Variants in PPA2 observed in about 807,000 individuals in gnomAD.
The protein encoded by PPA2 is inorganic pyrophosphatase 2, mitochondrial.
Under a neutral mutation model 49.5 loss-of-function variants are expected in PPA2, and 48 were observed. That is an observed-to-expected ratio of 0.97 (90% confidence interval 0.77 to 1.23). PPA2 has a LOEUF of 1.23. Among genes scored for constraint, PPA2 ranks in the 50% most tolerant of loss-of-function variants. The pLI, the probability that PPA2 is intolerant of heterozygous loss-of-function variation, is 0.00. For missense variants in PPA2, 429 were observed against 410.1 expected, an observed-to-expected ratio of 1.05 and a Z score of -0.40; for synonymous variants, 131 against 139.9, an observed-to-expected ratio of 0.94 and a Z score of 0.45.
intron 7 of PPA2, among the ~76,000 whole-genome samples, chr4:105,414,466 G>T (rs2110256047): frequency 6.6e-6 from 1 of 152,350 alleles, no homozygotes. Flanking sequence ...GGGCAAGCCA[G>T]GTATGGAGTG....
intron 3 of PPA2, 123 bp from the exon 4 acceptor site, chr4:105,449,526 C>G (rs1722578393): frequency 1.8e-6 from 1 of 563,146 alleles, no homozygotes; most frequent in Non-Finnish European, 3.1e-6. Flanking sequence ...GAGTCTCCAT[C>G]ATACATCTAC....
chr4:105,370,835 A>G lies in PPA2; in HGVS notation c.976+2T>C. ...CTCTTAATGAATCAAAATATACTAT[A>G]CCTTCTTCATTACTTTCTTTATTTG... On this transcript the variant is annotated splice_donor_variant, in intron 11 of 11. Transcript: ENST00000341695. LOFTEE classifies it high-confidence loss of function. 1 of 1,464,926 alleles carries G rather than the reference A, an allele frequency of 6.8e-7. No homozygotes were observed. Among genetic ancestry groups the G allele is most frequent in the South Asian group, 1.3e-5 (1 of 76,886 alleles). 90.7% of individuals were successfully genotyped at this position (1,464,926 alleles called of 1,614,324 possible). A position where few individuals can be genotyped will look rare whatever the true frequency, so the allele number is the denominator to read the frequency against.
At chr4:105,409,329 C>T (rs1260369255) in intron 7 of PPA2, among the ~76,000 whole-genome samples, 3 of 152,224 alleles carry the variant, frequency 2.0e-5, no homozygotes, top group African/African-American at 4.8e-5. Context: ...GCCTGTGAGA[C>T]GGCAGCCTGG....
chr4:105,419,263 C>T (rs1723146167), intron 7 of PPA2, among the ~76,000 whole-genome samples: 2 of 152,138 alleles, frequency 1.3e-5, no homozygotes. Flanking sequence ...CCCATTAACT[C>T]GTCATTTAAC....
chr4:105,449,128 A>G (rs910594872), intron 4 of PPA2, among the ~76,000 whole-genome samples: 2 of 129,152 alleles, frequency 1.5e-5, no homozygotes, highest in African/African-American at 3.5e-5. Flanking sequence ...GAGGCAGGAG[A>G]ATGGCGTGAA....
chr4:105,388,482 G>A (rs757562803), intron 9 of PPA2, among the ~76,000 whole-genome samples: 1 of 152,200 alleles, frequency 6.6e-6, no homozygotes, highest in Non-Finnish European at 1.5e-5. Context: ...GTAACCAGTA[G>A]TGGATATCTT....
chr4:105,383,799 CT>C (rs779912676), intron 10 of PPA2, among the ~76,000 whole-genome samples: 2 of 151,840 alleles, frequency 1.3e-5, no homozygotes, highest in Non-Finnish European at 2.9e-5. Flanking sequence ...AATTTTGGGT[CT>C]TCTAATTTGT....
In PPA2 at chr4:105,464,566, CTGT is replaced by C. The variant is rs1342682487; in HGVS notation, c.158-7824_158-7822del. ...CCAGGGGCAGAATGATATGGTTTGGCTGTGTCCCCACCCAAATCTCATCTTGAA... is the reference window on the plus strand; with the variant it reads ...CCAGGGGCAGAATGATATGGTTTGGCGTCCCCACCCAAATCTCATCTTGAA... On this transcript the variant is annotated intron_variant, in intron 1 of 11. Coordinates refer to ENST00000341695, the MANE Select transcript of PPA2 (RefSeq NM_176869.3). Among the ~76,000 whole-genome samples, 6 of 152,284 alleles carry C rather than the reference CTGT, an allele frequency of 3.9e-5. No homozygotes were observed. In the East Asian group the frequency reaches 1.2e-3, roughly 29 times the overall value.
chr4:105,370,951 C>A, intron 10 of PPA2, 78 bp from the exon 11 acceptor site: 1 of 1,331,368 alleles, frequency 7.5e-7, no homozygotes, highest in Non-Finnish European at 9.9e-7. Context: ...AGTTTTTTCA[C>A]GAAATTATAG....
At chr4:105,404,975 C>A (rs949739545) in intron 7 of PPA2, 3 of 156,234 alleles carry the variant, frequency 1.9e-5, no homozygotes, top group African/African-American at 7.2e-5. Context: ...CTCAGCTACT[C>A]GGGAGGCTGA....
chr4:105,464,429 G>C (rs770106745), intron 1 of PPA2, among the ~76,000 whole-genome samples: 1 of 152,200 alleles, frequency 6.6e-6, no homozygotes, highest in Admixed American at 6.5e-5. Context: ...TGTCTCAGAT[G>C]AGACTGTGGA....
At chr4:105,450,040 CT>C (rs1006225892) in intron 3 of PPA2, among the ~76,000 whole-genome samples, 21 of 147,286 alleles carry the variant, frequency 1.4e-4, no homozygotes, top group Non-Finnish European at 1.5e-4. Flanking sequence ...TATGGCTTCA[CT>C]TTTTTTTTTT....
At chr4:105,455,498 C>A (rs540848437) in intron 2 of PPA2, among the ~76,000 whole-genome samples, 235 of 152,202 alleles carry the variant, frequency 1.5e-3, no homozygotes, top group Non-Finnish European at 2.2e-3. Context: ...CCAAAACACA[C>A]GAGATTTGTG....
At chr4:105,443,541 T>C (rs1724462685) in intron 5 of PPA2, among the ~76,000 whole-genome samples, 1 of 151,726 alleles carries the variant, frequency 6.6e-6, no homozygotes. Context: ...TCATTCAATT[T>C]AGTTATTTTC....
In PPA2 at chr4:105,369,572, T is replaced by C. The variant is rs1732939606; in HGVS notation, c.*153A>G. ...ATGTCCAAAGGAGAGTAATTTAAAA[T>C]TCTTACTGTTTATTTATATATTGCA... On this transcript the variant is annotated 3_prime_UTR_variant, in exon 12 of 12. Transcript: ENST00000341695. The C allele has an allele frequency of 9.2e-6, 6 of 653,380 alleles. 1 individual carries two copies. The South Asian group carries it at 1.1e-4, about 12-fold the overall frequency. 40.5% of individuals were successfully genotyped at this position (653,380 alleles called of 1,614,324 possible).
Position 105,369,559 on chromosome 4 carries a change from G to T in PPA2, c.*166C>A. 1.6e-6 allele frequency: 1 copy of T among 618,680 alleles called. No homozygotes were observed. The highest frequency in any genetic ancestry group is 2.8e-6 in the Non-Finnish European group (1 of 357,732). 38.3% of individuals were successfully genotyped at this position (618,680 alleles called of 1,614,324 possible). The stretch of plus-strand genomic sequence containing the variant: ...TTTATATCAATAAATGTCCAAAGGA[G>T]AGTAATTTAAAATTCTTACTGTTTA... On this transcript the variant is annotated 3_prime_UTR_variant, in exon 12 of 12. Transcript: ENST00000341695.
intron 10 of PPA2, among the ~76,000 whole-genome samples, chr4:105,385,635 T>C (rs1246488372): frequency 3.9e-5 from 6 of 152,078 alleles, no homozygotes; most frequent in Non-Finnish European, 1.5e-5. Flanking sequence ...ACAAGTAATA[T>C]TACTTGATTA....
At chr4:105,408,435 T>C (rs1291579057) in intron 7 of PPA2, among the ~76,000 whole-genome samples, 1 of 152,026 alleles carries the variant, frequency 6.6e-6, no homozygotes, top group Non-Finnish European at 1.5e-5. Flanking sequence ...AAAATAAGTC[T>C]GGTAAACAGT....
intron 6 of PPA2, among the ~76,000 whole-genome samples, chr4:105,426,695 G>T (rs981202571): frequency 1.3e-5 from 2 of 152,212 alleles, no homozygotes; most frequent in East Asian, 1.9e-4. Flanking sequence ...AAACAAAGCC[G>T]CAGGGAAGTG....
Sources: gnomAD v4.1 joint callset for allele counts (sites outside exome capture counted in the v4.1 genomes callset) on GRCh38, gnomAD v4.1.1 for gene constraint, MANE v1.5 for transcripts, NCBI Gene and HGNC (gene_info 2026-07-23, HGNC 2026-07-21) for gene names.